The following RRAGC variants were observed in gnomAD, a reference collection of about 807,000 sequenced individuals.
RRAGC encodes the protein Ras related GTP binding C.
Under a neutral mutation model 37.1 loss-of-function variants are expected in RRAGC, and 8 were observed. The ratio of observed to expected loss-of-function variants is 0.22; its 90% CI spans 0.13 to 0.39. RRAGC has a LOEUF of 0.39. Among genes scored for constraint, RRAGC ranks in the 10% least tolerant of loss-of-function variants. RRAGC has a pLI of 1.00. For missense variants in RRAGC, 342 were observed against 497.6 expected, an observed-to-expected ratio of 0.69 and a Z score of 2.98; for synonymous variants, 190 against 181.1, an observed-to-expected ratio of 1.05 and a Z score of -0.39.
chr1:38,858,770 A>G (rs754826008), intron 1 of RRAGC, among the ~76,000 whole-genome samples: 3 of 152,260 alleles, frequency 2.0e-5, no homozygotes, highest in Non-Finnish European at 4.4e-5. Context: ...GAAAACAAAC[A>G]GACTAGGTCT....
chr1:38,859,378 G>A (rs1381445044), intron 1 of RRAGC, 32 bp downstream of exon 1: 26 of 1,536,270 alleles, frequency 1.7e-5, no homozygotes, highest in African/African-American at 2.8e-5. Flanking sequence ...GAACCGGGGA[G>A]GGGGCGGGGG....
intron 3 of RRAGC, 168 bp from the exon 4 acceptor site, chr1:38,852,656 C>A (rs1166997079): frequency 1.1e-5 from 5 of 451,978 alleles, no homozygotes; most frequent in African/African-American, 2.0e-5. Context: ...AATACACTTT[C>A]CCACCTGGCT....
At chr1:38,856,809 A>T (rs1400803454) in intron 2 of RRAGC, 70 bp downstream of exon 2, 7 of 1,457,468 alleles carry the variant, frequency 4.8e-6, no homozygotes, top group Non-Finnish European at 5.8e-6. Context: ...GACAAAGAAG[A>T]TAAACAACTT....
intron 3 of RRAGC, among the ~76,000 whole-genome samples, chr1:38,852,966 T>C (rs139013626): frequency 1.9e-4 from 29 of 152,328 alleles, no homozygotes; most frequent in African/African-American, 6.5e-4. Context: ...CCCTTTCCCC[T>C]AATTTGTTTT....
chr1:38,846,145 T>C, intron 5 of RRAGC, 58 bp from the exon 6 acceptor site: 2 of 1,356,106 alleles, frequency 1.5e-6, no homozygotes, highest in Non-Finnish European at 2.1e-6. Context: ...TCTGCCACAT[T>C]TAATCTGCAC....
At chr1:38,851,060 A>G (rs1300869200) in intron 5 of RRAGC, among the ~76,000 whole-genome samples, 1 of 152,224 alleles carries the variant, frequency 6.6e-6, no homozygotes, top group Non-Finnish European at 1.5e-5. Flanking sequence ...TGGCTTTCAT[A>G]AATTTCTATA....
At chr1:38,859,386 G>A (rs2124238248) in intron 1 of RRAGC, 24 bp downstream of exon 1, 3 of 1,541,746 alleles carry the variant, frequency 1.9e-6, no homozygotes, top group East Asian at 4.9e-5. Flanking sequence ...GAGGGGGCGG[G>A]GGACTGGGCG....
At chr1:38,851,581 T>C in intron 5 of RRAGC, 34 bp downstream of exon 5, 1 of 1,465,826 alleles carries the variant, frequency 6.8e-7, no homozygotes, top group Non-Finnish European at 9.0e-7. Context: ...TTTCCGCCTG[T>C]CTGAGATATT....
intron 3 of RRAGC, among the ~76,000 whole-genome samples, chr1:38,853,344 T>C (rs775770916): frequency 1.4e-4 from 22 of 152,192 alleles, no homozygotes; most frequent in Non-Finnish European, 2.9e-4. Context: ...TGTCAACAAT[T>C]CTATCTGCTT....
At chr1:38,849,392 A>AT (rs1642068160) in intron 5 of RRAGC, among the ~76,000 whole-genome samples, 1 of 152,198 alleles carries the variant, frequency 6.6e-6, no homozygotes, top group South Asian at 2.1e-4. Context: ...TGTATAAGGT[A>AT]TTTTAAAATG....
At chr1:38,843,549 C>T (rs559415959) in intron 6 of RRAGC, among the ~76,000 whole-genome samples, 16 of 151,970 alleles carry the variant, frequency 1.1e-4, no homozygotes, top group Non-Finnish European at 1.8e-4. Flanking sequence ...TGAAACCCCG[C>T]CTCTACTAAA....
At position 38,845,796 on chromosome 1, in the gene RRAGC, G is replaced by A. The variant is rs1033143506; in HGVS notation, c.1048+143C>T. ...AGAAAGTCTGGACTATACATGGAAG[G>A]AAAGGGACAAAAGCAGTTTGAGCTT... is the stretch of plus-strand genomic sequence containing the variant. On this transcript the variant is annotated intron_variant, in intron 6 of 6. Transcript: ENST00000373001. 8.0e-6 allele frequency: 5 copies of A among 622,548 alleles called. No homozygotes were observed. In the African/African-American group the frequency reaches 9.5e-5, roughly 12 times the overall value. The allele number at this position is 622,548 out of a possible 1,614,324, so 38.6% of individuals were successfully genotyped here.
rs745711811 is a variant in RRAGC at position 38,855,702 on chromosome 1, T to C, written c.641+6A>G. On this transcript the variant is annotated splice_donor_region_variant and intron_variant, in intron 3 of 6. Coordinates refer to ENST00000373001, the MANE Select transcript of RRAGC (RefSeq NM_022157.4). The stretch of plus-strand genomic sequence containing the variant: ...GGGCTTTCATATCAAACACACATGT[T>C]GTTACCTAAGATGGAGTTTTTCTAG... The C allele has an allele frequency of 1.2e-6, 2 of 1,611,018 alleles. No individual in the cohort carries two copies. The highest frequency in any genetic ancestry group is 1.7e-6 in the Non-Finnish European group (2 of 1,177,200).
At chr1:38,856,514 T>C (rs150229770) in intron 2 of RRAGC, among the ~76,000 whole-genome samples, 8 of 152,374 alleles carry the variant, frequency 5.3e-5, no homozygotes, top group African/African-American at 1.9e-4. Context: ...TTCACTCTAA[T>C]ATCTACTGAC....
At chr1:38,854,224 T>C (rs956025662) in intron 3 of RRAGC, among the ~76,000 whole-genome samples, 1 of 152,022 alleles carries the variant, frequency 6.6e-6, no homozygotes, top group Non-Finnish European at 1.5e-5. Flanking sequence ...CACACCACAA[T>C]GCCCGGCTAA....
At position 38,849,988 on chromosome 1, in the gene RRAGC, C is replaced by T. The variant is rs976734868; in HGVS notation, c.899+1627G>A. 1.8e-3 allele frequency among the ~76,000 whole-genome samples: 266 copies of T among 151,538 alleles called. 1 individual carries two copies. The highest frequency in any genetic ancestry group is 6.0e-3 in the African/African-American group (246 of 41,288). On this transcript the variant is annotated intron_variant, in intron 5 of 6. Transcript: ENST00000373001. Reference sequence around the variant, plus strand: ...TTGGGAGGCCACGGCGGGTGGATCACGAGGTCAGGAGTTCGAGACCAGCCT... The same window carrying T: ...TTGGGAGGCCACGGCGGGTGGATCATGAGGTCAGGAGTTCGAGACCAGCCT...
intron 6 of RRAGC, among the ~76,000 whole-genome samples, chr1:38,841,368 A>AT (rs370794807): frequency 0.013 from 1,975 of 147,030 alleles, 32 homozygotes; most frequent in African/African-American, 0.039. Flanking sequence ...ATAAACAAAA[A>AT]TTTTTTTTTT....
In RRAGC at chr1:38,846,715, T is replaced by G. The variant is rs1642032045; in HGVS notation, c.900-628A>C. ...GTACTTGCCTATAAAAATCTAAAGGTTATCTAGCTATTGTTACGAATTAAG... is the reference window on the plus strand; with the variant it reads ...GTACTTGCCTATAAAAATCTAAAGGGTATCTAGCTATTGTTACGAATTAAG... On this transcript the variant is annotated intron_variant, in intron 5 of 6. Transcript: ENST00000373001. 2.0e-5 allele frequency: 3 copies of G among 152,142 alleles called. No individual in the cohort carries two copies. The South Asian group carries it at 6.2e-4, about 32-fold the overall frequency. The allele number at this position is 152,142 out of a possible 1,614,324, so 9.4% of individuals were successfully genotyped here. A position where few individuals can be genotyped will look rare whatever the true frequency, so the allele number is the denominator to read the frequency against.
In RRAGC at chr1:38,846,196, A is replaced by G. The variant is rs145150806; in HGVS notation, c.900-109T>C. The G allele has an allele frequency of 2.4e-4, 204 of 853,012 alleles. No homozygotes were observed. In the African/African-American group the frequency reaches 2.9e-3, roughly 12 times the overall value. 52.8% of individuals were successfully genotyped at this position (853,012 alleles called of 1,614,324 possible). A position where few individuals can be genotyped will look rare whatever the true frequency, so the allele number is the denominator to read the frequency against. ...GTTTCCCAAATGTCTCTGGGAAAGA[A>G]TACTGGCTTAAACATATTGGGAGAG... On this transcript the variant is annotated intron_variant, in intron 5 of 6. Transcript: ENST00000373001.
Sources: allele counts gnomAD v4.1 joint callset (sites outside exome capture counted in the v4.1 genomes callset), GRCh38; gene constraint gnomAD v4.1.1; transcripts MANE v1.5; gene names NCBI Gene and HGNC (gene_info 2026-07-23, HGNC 2026-07-21).